Variants in PAN3 observed in about 807,000 individuals in gnomAD.
PAN3 encodes the protein poly(A) specific ribonuclease subunit PAN3, also known as PAN2-PAN3 deadenylation complex subunit PAN3.
In PAN3, 19 loss-of-function variants were observed where a neutral mutation model predicts 96.2. The observed-to-expected ratio is 0.20, with a 90% CI of 0.14 to 0.29. The LOEUF (loss-of-function observed/expected upper bound fraction) is 0.29, where lower values mean the gene tolerates loss of function less well. PAN3 is among the 10% of genes least tolerant of loss of function. PAN3 has a pLI of 1.00. For missense variants in PAN3, 882 were observed against 1,108.1 expected, an observed-to-expected ratio of 0.80 and a Z score of 2.90; for synonymous variants, 433 against 406.6, an observed-to-expected ratio of 1.06 and a Z score of -0.78.
rs939473747 is a variant in PAN3 at position 28,197,069 on chromosome 13, T to C, written c.691-116T>C. On this transcript the variant is annotated intron_variant, in intron 4 of 18. Coordinates refer to ENST00000380958, the MANE Select transcript of PAN3 (RefSeq NM_175854.8). ...GGTAAGGATATTAGAAGGAGTGTTT[T>C]AGAAACTTGTTTCCTATCCCACCGT... 5.4e-6 allele frequency: 7 copies of C among 1,285,742 alleles called. No homozygotes were observed. In the South Asian group the frequency reaches 9.4e-5, roughly 17 times the overall value. The allele number at this position is 1,285,742 out of a possible 1,614,324, so 79.6% of individuals were successfully genotyped here.
chr13:28,203,225 C>T (rs576746937), intron 5 of PAN3, among the ~76,000 whole-genome samples: 2 of 151,994 alleles, frequency 1.3e-5, no homozygotes, highest in African/African-American at 4.8e-5. Context: ...GTGTGAGCTG[C>T]CATGCCTGAC....
In PAN3 at chr13:28,271,028, A is replaced by T. The variant is rs112080427; in HGVS notation, c.1958+162A>T. ...GTAAGCTTTTTAAAGAAAAAAAAAA[A>T]GTTGAACTCTGAATAAAATGCCTGG... is the stretch of plus-strand genomic sequence containing the variant. On this transcript the variant is annotated intron_variant, in intron 13 of 18. Coordinates refer to ENST00000380958, the MANE Select transcript of PAN3 (RefSeq NM_175854.8). Among the ~76,000 whole-genome samples, 303 of 152,260 alleles carry T rather than the reference A, an allele frequency of 2.0e-3. 1 individual carries two copies. Among genetic ancestry groups the T allele is most frequent in the African/African-American group, 7.0e-3 (292 of 41,544 alleles).
chr13:28,180,325 G>A (rs1405990009), intron 4 of PAN3, among the ~76,000 whole-genome samples: 1 of 152,164 alleles, frequency 6.6e-6, no homozygotes, highest in Non-Finnish European at 1.5e-5. Context: ...TTAAAATGAT[G>A]TGTAATCTAC....
intron 6 of PAN3, among the ~76,000 whole-genome samples, chr13:28,251,271 C>T (rs897034590): frequency 2.0e-5 from 3 of 152,162 alleles, no homozygotes; most frequent in African/African-American, 7.2e-5. Flanking sequence ...GGTTCTGTTA[C>T]CTGGACTCTT....
chr13:28,155,969 T>A (rs1593373497), intron 1 of PAN3, among the ~76,000 whole-genome samples: 4 of 152,124 alleles, frequency 2.6e-5, no homozygotes, highest in Non-Finnish European at 2.9e-5. Flanking sequence ...GTGGCCACGT[T>A]GTGAAGGCCC....
chr13:28,217,036 C>T (rs1880861254), intron 5 of PAN3, among the ~76,000 whole-genome samples: 3 of 151,734 alleles, frequency 2.0e-5, no homozygotes, highest in Admixed American at 1.3e-4. Context: ...ATCACTTGAA[C>T]CCGGGGGGCA....
At chr13:28,140,171 A>G (rs1461083925) in intron 1 of PAN3, among the ~76,000 whole-genome samples, 2 of 152,156 alleles carry the variant, frequency 1.3e-5, no homozygotes, top group South Asian at 4.1e-4. Context: ...GCTGGTCTCA[A>G]ACTGCTGGCC....
intron 7 of PAN3, among the ~76,000 whole-genome samples, chr13:28,257,697 T>A (rs1482217691): frequency 3.6e-5 from 5 of 139,756 alleles, no homozygotes; most frequent in Non-Finnish European, 7.6e-5. Flanking sequence ...TATAAATATA[T>A]ATTATATATA....
At chr13:28,288,440 C>T (rs1869260195) in intron 18 of PAN3, among the ~76,000 whole-genome samples, 1 of 152,056 alleles carries the variant, frequency 6.6e-6, no homozygotes. Context: ...GCTAGGATTA[C>T]AGGCACCCAT....
chr13:28,147,816 G>A (rs1870871211), intron 1 of PAN3, among the ~76,000 whole-genome samples: 1 of 152,184 alleles, frequency 6.6e-6, no homozygotes, highest in African/African-American at 2.4e-5. Flanking sequence ...AATCCTGGCT[G>A]AGTCAGTTGG....
At chr13:28,252,341 T>C (rs914460006) in intron 6 of PAN3, among the ~76,000 whole-genome samples, 1 of 151,996 alleles carries the variant, frequency 6.6e-6, no homozygotes. Flanking sequence ...AATAATATTG[T>C]CCTAACTGGT....
chr13:28,154,369 T>A (rs912882146), intron 1 of PAN3, among the ~76,000 whole-genome samples: 1 of 152,116 alleles, frequency 6.6e-6, no homozygotes, highest in Non-Finnish European at 1.5e-5. Flanking sequence ...ATCTAAAATT[T>A]CTGTTTCGGG....
chr13:28,234,876 A>G (rs989296629), intron 6 of PAN3, among the ~76,000 whole-genome samples: 2 of 151,736 alleles, frequency 1.3e-5, no homozygotes, highest in African/African-American at 2.4e-5. Flanking sequence ...ACTGTCTTCT[A>G]TTTTCCTTTT....
intron 6 of PAN3, among the ~76,000 whole-genome samples, chr13:28,249,072 T>G (rs1884471097): frequency 6.6e-6 from 1 of 152,234 alleles, no homozygotes; most frequent in Admixed American, 6.5e-5. Context: ...ACAAAAAGTT[T>G]TAAATTTTGA....
chr13:28,259,047 A>G lies in PAN3; in HGVS notation c.1249-1400A>G, dbSNP rs75156869. On this transcript the variant is annotated intron_variant, in intron 7 of 18. Coordinates refer to ENST00000380958, the MANE Select transcript of PAN3 (RefSeq NM_175854.8). ...AGGGATACAGAAGGCTGACTATGTGACATTTCTTCCAAAGAGCTACTTTTA... is the reference window on the plus strand; with the variant it reads ...AGGGATACAGAAGGCTGACTATGTGGCATTTCTTCCAAAGAGCTACTTTTA... Among the ~76,000 whole-genome samples the G allele has an allele frequency of 7.9e-3, 1,200 of 152,228 alleles. 5 individuals carry two copies. Among genetic ancestry groups the G allele is most frequent in the Non-Finnish European group, 0.011 (727 of 68,016 alleles).
chr13:28,172,821 CTGAGA>C (rs778943881), intron 1 of PAN3, among the ~76,000 whole-genome samples: 123 of 152,250 alleles, frequency 8.1e-4, no homozygotes, highest in East Asian at 7.7e-4. Context: ...CTTATAGAGG[CTGAGA>C]TGAGAGGATC....
intron 7 of PAN3, among the ~76,000 whole-genome samples, chr13:28,257,939 T>G (rs1566235599): frequency 1.3e-5 from 2 of 151,572 alleles, no homozygotes; most frequent in Non-Finnish European, 2.9e-5. Flanking sequence ...CAGCCTCTAG[T>G]AGCTGGGACT....
chr13:28,195,020 A>T (rs1051673190), intron 4 of PAN3, among the ~76,000 whole-genome samples: 1 of 152,146 alleles, frequency 6.6e-6, no homozygotes, highest in Admixed American at 6.5e-5. Flanking sequence ...AAAGTATGAT[A>T]GCAAATAAAA....
chr13:28,187,681 T>G (rs973938318), intron 4 of PAN3, among the ~76,000 whole-genome samples: 11 of 152,210 alleles, frequency 7.2e-5, no homozygotes, highest in Non-Finnish European at 1.3e-4. Flanking sequence ...TACATGTAAA[T>G]TATGTTCTGC....
Sources: gnomAD v4.1 joint callset for allele counts (sites outside exome capture counted in the v4.1 genomes callset) on GRCh38, gnomAD v4.1.1 for gene constraint, MANE v1.5 for transcripts, NCBI Gene and HGNC (gene_info 2026-07-23, HGNC 2026-07-21) for gene names.